Variants in PCDH9 observed in about 807,000 individuals in gnomAD.
PCDH9 encodes protocadherin 9.
A neutral mutation model predicts 70.6 loss-of-function variants in PCDH9; 24 were observed. The ratio of observed to expected loss-of-function variants is 0.34; its 90% CI spans 0.25 to 0.48. PCDH9 has a LOEUF of 0.48. Ranked by LOEUF, PCDH9 falls within the 20% of genes least tolerant of loss-of-function variation. The pLI is 0.99. For synonymous variants in PCDH9, 562 were observed against 558.5 expected (o/e 1.01, Z -0.09); for missense variants, 1,281 against 1,503.6 (o/e 0.85, Z 2.45).
At chr13:66,665,163 A>G (rs912395337) in intron 3 of PCDH9, among the ~76,000 whole-genome samples, 8 of 150,770 alleles carry the variant, frequency 5.3e-5, no homozygotes, top group Non-Finnish European at 1.2e-4. Context: ...CTGGAGGGCA[A>G]CAGTGAGACC....
intron 4 of PCDH9, among the ~76,000 whole-genome samples, chr13:66,322,319 TC>T (rs1363134009): frequency 6.6e-6 from 1 of 151,960 alleles, no homozygotes; most frequent in East Asian, 1.9e-4. Context: ...GTTGGGATGA[TC>T]AGTATTGATT....
intron 4 of PCDH9, among the ~76,000 whole-genome samples, chr13:66,568,806 C>G (rs908028953): frequency 1.0e-4 from 15 of 149,710 alleles, no homozygotes; most frequent in African/African-American, 3.7e-4. Flanking sequence ...GAACAACATT[C>G]AAAGAAAAAA....
intron 2 of PCDH9, among the ~76,000 whole-genome samples, chr13:67,051,382 ATTTTTTTT>A (rs567408801): frequency 2.4e-4 from 17 of 71,006 alleles, no homozygotes; most frequent in African/African-American, 4.4e-4. Flanking sequence ...ACAATACAAG[ATTTTTTTT>A]TTTTTTTTTT....
At chr13:66,466,098 C>T (rs940809643) in intron 4 of PCDH9, among the ~76,000 whole-genome samples, 6 of 151,938 alleles carry the variant, frequency 3.9e-5, no homozygotes, top group African/African-American at 1.4e-4. Context: ...CTCACAGAAA[C>T]ACAACTACAT....
intron 2 of PCDH9, among the ~76,000 whole-genome samples, chr13:67,033,356 A>G (rs1037787926): frequency 6.6e-6 from 1 of 152,240 alleles, no homozygotes; most frequent in Admixed American, 6.5e-5. Flanking sequence ...CCTATTGGTC[A>G]GGAAGTGTTC....
chr13:66,935,020 G>A (rs951697984), intron 2 of PCDH9, among the ~76,000 whole-genome samples: 2 of 151,710 alleles, frequency 1.3e-5, no homozygotes, highest in South Asian at 2.1e-4. Context: ...GCGCCCGGCC[G>A]TGTTTGCATT....
At chr13:67,149,025 T>C (rs1011171012) in intron 2 of PCDH9, among the ~76,000 whole-genome samples, 3 of 152,220 alleles carry the variant, frequency 2.0e-5, no homozygotes, top group African/African-American at 7.2e-5. Context: ...CAAAGGTTTT[T>C]ACCTTACCTT....
intron 2 of PCDH9, among the ~76,000 whole-genome samples, chr13:67,092,189 A>T (rs1053749028): frequency 2.5e-4 from 38 of 152,302 alleles, no homozygotes; most frequent in African/African-American, 8.4e-4. Context: ...TTAGATTTTT[A>T]AAATGGAATT....
At chr13:66,531,570 A>G (rs567610511) in intron 4 of PCDH9, among the ~76,000 whole-genome samples, 21 of 152,208 alleles carry the variant, frequency 1.4e-4, no homozygotes, top group African/African-American at 4.8e-4. Flanking sequence ...AATCTAAACT[A>G]AAGGAAGAAA....
chr13:66,306,736 T>A (rs571541146), intron 4 of PCDH9, among the ~76,000 whole-genome samples: 11 of 152,080 alleles, frequency 7.2e-5, no homozygotes, highest in Non-Finnish European at 1.5e-4. Context: ...TTTAAACACA[T>A]ATTCATTACT....
rs1010987405 is a variant in PCDH9, at chr13:66,631,255, G to T, written c.3295C>A (p.Pro1099Thr). ...PQDEFYDQAS[P>T]DKRTEADGNS... The stretch of plus-strand genomic sequence containing the variant: ...CCATCTGCTTCAGTCCTCTTGTCCG[G>T]AGAGGCCTGGTCATAGAATTCGTCC... The change falls in exon 4 of 5, where the codon CCG becomes ACG. Residue 1099 changes from proline to threonine, a missense_variant. Pro to Thr is a conservative substitution (Grantham distance 38, BLOSUM62 -1). This residue lies in a region of PCDH9 where 264 missense variants were observed against 278.8 expected (regional missense o/e 0.95). Coordinates refer to ENST00000377865, the MANE Select transcript of PCDH9 (RefSeq NM_203487.3). The T allele has an allele frequency of 6.2e-7, 1 of 1,610,410 alleles. No individual in the cohort carries two copies. Among genetic ancestry groups the T allele is most frequent in the African/African-American group, 1.3e-5 (1 of 74,834 alleles).
At chr13:66,847,440 A>G (rs185310396) in intron 3 of PCDH9, among the ~76,000 whole-genome samples, 28 of 152,302 alleles carry the variant, frequency 1.8e-4, no homozygotes, top group African/African-American at 6.7e-4. Context: ...ATACATACAT[A>G]ATAAAGTTTA....
chr13:66,631,168 C>T, intron 4 of PCDH9, 42 bp downstream of exon 4: 1 of 1,017,352 alleles, frequency 9.8e-7, no homozygotes, highest in Non-Finnish European at 1.6e-6. Context: ...CACTACAAAA[C>T]CAGAACAACT....
At chr13:66,788,813 T>C (rs528586574) in intron 3 of PCDH9, among the ~76,000 whole-genome samples, 146 of 152,136 alleles carry the variant, frequency 9.6e-4, no homozygotes, top group African/African-American at 2.9e-3. Context: ...ATCCCTGTTG[T>C]TTTTCCTATT....
At chr13:66,626,590 TA>T (rs1247507501) in intron 4 of PCDH9, among the ~76,000 whole-genome samples, 2 of 151,840 alleles carry the variant, frequency 1.3e-5, no homozygotes, top group Non-Finnish European at 2.9e-5. Flanking sequence ...GGAATTGAGG[TA>T]AAAAAAGAAC....
chr13:66,765,012 GTCTCTT>G (rs2079690243), intron 3 of PCDH9, among the ~76,000 whole-genome samples: 2 of 151,384 alleles, frequency 1.3e-5, no homozygotes, highest in South Asian at 2.1e-4. Context: ...CTCTCTCTCT[GTCTCTT>G]TCTCTTTCGC....
At chr13:66,813,178 C>T (rs924359303) in intron 3 of PCDH9, among the ~76,000 whole-genome samples, 3 of 152,144 alleles carry the variant, frequency 2.0e-5, no homozygotes, top group Admixed American at 1.3e-4. Flanking sequence ...GAGATCACTA[C>T]CATTGGCCAA....
chr13:67,195,568 C>A (rs2089041360), intron 2 of PCDH9, among the ~76,000 whole-genome samples: 2 of 152,084 alleles, frequency 1.3e-5, no homozygotes, highest in African/African-American at 4.8e-5. Flanking sequence ...TTTACCAGAA[C>A]TTTTTGAGCA....
chr13:66,320,915 T>C (rs948711256), intron 4 of PCDH9, among the ~76,000 whole-genome samples: 1 of 152,002 alleles, frequency 6.6e-6, no homozygotes. Context: ...ATGTTCTCCC[T>C]TTAAGCAAGG....
Sources: gnomAD v4.1 joint callset for allele counts (sites outside exome capture counted in the v4.1 genomes callset) on GRCh38, gnomAD v4.1.1 for gene constraint, gnomAD v4.1.1 regional missense constraint, MANE v1.5 for transcripts, NCBI Gene and HGNC (gene_info 2026-07-23, HGNC 2026-07-21) for gene names.